ANAPC2: variants seen among roughly 807,000 people sequenced by gnomAD.
The protein encoded by ANAPC2 is anaphase-promoting complex subunit 2.
ANAPC2 carries 29 observed loss-of-function variants against 84.3 expected under a neutral mutation model. That is an observed-to-expected ratio of 0.34 (90% CI 0.26 to 0.47). ANAPC2 has a LOEUF of 0.47. Among genes scored for constraint, ANAPC2 ranks in the 20% least tolerant of loss-of-function variants. The probability of loss-of-function intolerance (pLI) is 1.00; values close to 1 mark genes in which losing one functional copy is unlikely to be tolerated. For synonymous variants in ANAPC2, 571 were observed against 479.4 expected (o/e 1.19, Z -2.50); for missense variants, 857 against 1,131.7 (o/e 0.76, Z 3.48).
chr9:137,185,801 G>A (rs529206469), intron 3 of ANAPC2, among the ~76,000 whole-genome samples: 2 of 152,306 alleles, frequency 1.3e-5, no homozygotes, highest in East Asian at 3.9e-4. Flanking sequence ...GGCCCCATGT[G>A]AGGGTGTCTC....
intron 10 of ANAPC2, 73 bp downstream of exon 10, chr9:137,180,108 C>A: frequency 6.7e-7 from 1 of 1,496,948 alleles, no homozygotes; most frequent in African/African-American, 1.4e-5. Context: ...GCCACAGGCA[C>A]CAGGCTGCTG....
chr9:137,184,641 GCACAGGGAGCCCAGACGCAGA>G (rs772591279), intron 4 of ANAPC2, among the ~76,000 whole-genome samples: 22,286 of 136,482 alleles, frequency 0.16, 2,318 homozygotes, highest in Middle Eastern at 0.26. Context: ...CACGGTGAAG[GCACAGGGAGCCCAGACGCAGA>G]CACAGGGAGC....
At position 137,187,591 on chromosome 9, in the gene ANAPC2, G is replaced by C. The variant is rs201220526; in HGVS notation, c.630C>G (p.Arg210=). ...GGCTCTGCAGGAGCCGGTAGTACCG[G>C]CGACGGGCATACCGGCTGTCCAGCT... The part of the protein sequence containing the change: ...EGELDSRYAR[R]RYYRLLQSPL... The change falls in exon 2 of 13, where the codon CGC becomes CGG. Residue 210 remains arginine (R), a synonymous_variant. Transcript: ENST00000323927. The C allele has an allele frequency of 2.8e-5, 45 of 1,614,000 alleles. No individual in the cohort carries two copies. The Admixed American group carries it at 5.8e-4, about 21-fold the overall frequency.
Position 137,175,729 on chromosome 9 carries a change from A to G in ANAPC2, c.1999T>C (p.Leu667=), listed in dbSNP as rs1312294517. ...TCACCTTGGTCCTGAAAATACAGCA[A>G]GATCACCGCCTGTACTGGGGTGACC... ...VAVTPVQAVI[L]LYFQDQASWT... is the part of the protein sequence containing the mutation. The change falls in exon 11 of 13, where the codon TTG becomes CTG. Residue 667 remains leucine (L), a synonymous_variant. Transcript: ENST00000323927. 6.2e-7 allele frequency: 1 copy of G among 1,611,522 alleles called. No individual in the cohort carries two copies. The highest frequency in any genetic ancestry group is 8.5e-7 in the Non-Finnish European group (1 of 1,179,362).
chr9:137,175,527 C>T (rs1834189594), intron 11 of ANAPC2, 55 bp from the exon 12 acceptor site: 7 of 1,499,146 alleles, frequency 4.7e-6, no homozygotes, highest in Non-Finnish European at 6.3e-6. Context: ...TGCACCTCCC[C>T]TGCCTCCCGT....
Position 137,187,933 on chromosome 9 carries a change from G to A in ANAPC2, c.288C>T (p.Ser96=). 2 of 1,613,856 alleles carry A rather than the reference G, an allele frequency of 1.2e-6. No homozygotes were observed. Among genetic ancestry groups the A allele is most frequent in the East Asian group, 2.2e-5 (1 of 44,882 alleles). The change falls in exon 2 of 13, where the codon TCC becomes TCT. Residue 96 remains serine (S), a synonymous_variant. Coordinates refer to ENST00000323927, the MANE Select transcript of ANAPC2 (RefSeq NM_013366.4). The stretch of plus-strand genomic sequence containing the variant: ...GCTCATCCGCAGAGTTCTCGCATTG[G>A]GAGATGGCATTCCAGAACTCAGGGG... The part of the protein sequence containing the change: ...NISPEFWNAI[S]QCENSADEPQ...
At chr9:137,180,111 G>T in intron 10 of ANAPC2, 70 bp downstream of exon 10, 1 of 1,512,682 alleles carries the variant, frequency 6.6e-7, no homozygotes, top group Non-Finnish European at 9.0e-7. Context: ...ACAGGCACCA[G>T]GCTGCTGGGA....
chr9:137,180,741 A>G (rs1200393626), intron 8 of ANAPC2, 47 bp downstream of exon 8: 1 of 1,594,072 alleles, frequency 6.3e-7, no homozygotes, highest in Non-Finnish European at 8.5e-7. Context: ...GAGGCTGGGC[A>G]AAGGCCCCGG....
At chr9:137,180,610 C>T in intron 8 of ANAPC2, 83 bp from the exon 9 acceptor site, 2 of 1,590,700 alleles carry the variant, frequency 1.3e-6, no homozygotes, top group Non-Finnish European at 1.7e-6. Flanking sequence ...GGGGTGCCCC[C>T]CAGGCAGAGC....
intron 4 of ANAPC2, 50 bp from the exon 5 acceptor site, chr9:137,183,841 G>A (rs371393149): frequency 1.3e-5 from 21 of 1,595,860 alleles, no homozygotes; most frequent in East Asian, 4.5e-5. Context: ...GCGTGCGCAC[G>A]TGCAGGCTGG....
chr9:137,187,202 C>T (rs1041614734), intron 2 of ANAPC2: 1 of 475,054 alleles, frequency 2.1e-6, no homozygotes, highest in African/African-American at 1.9e-5. Context: ...TCTGCAGAGT[C>T]CAGGAAGTTT....
Position 137,175,306 on chromosome 9 carries a change from G to A in ANAPC2, c.2187C>T (p.Leu729=), listed in dbSNP as rs781501202. Reference sequence around the variant, plus strand: ...AGTCGCTCTCGTCGTCACTGTCAATGAGCACCATGTTGTCCCGGTCCTGAG... The same window carrying A: ...AGTCGCTCTCGTCGTCACTGTCAATAAGCACCATGTTGTCCCGGTCCTGAG... ...ERPQDRDNMV[L]IDSDDESDSG... The change falls in exon 12 of 13, where the codon CTC becomes CTT. Residue 729 remains leucine (L), a synonymous_variant. Coordinates refer to ENST00000323927, the MANE Select transcript of ANAPC2 (RefSeq NM_013366.4). 7 of 1,612,680 alleles carry A rather than the reference G, an allele frequency of 4.3e-6. No individual in the cohort carries two copies. Among genetic ancestry groups the A allele is most frequent in the East Asian group, 2.2e-5 (1 of 44,878 alleles).
At position 137,175,690 on chromosome 9, in the gene ANAPC2, A is replaced by T. The variant is rs776984988; in HGVS notation, c.2020+18T>A. The T allele has an allele frequency of 6.2e-7, 1 of 1,604,682 alleles. No individual in the cohort carries two copies. The highest frequency in any genetic ancestry group is 8.5e-7 in the Non-Finnish European group (1 of 1,174,646). On this transcript the variant is annotated intron_variant, in intron 11 of 12. Coordinates refer to ENST00000323927, the MANE Select transcript of ANAPC2 (RefSeq NM_013366.4). ...GCCGTGTGGCCGGGGCAGGCCAGCTAGGGGCTGGTGGGCTCACCTTGGTCC... is the reference window on the plus strand; with the variant it reads ...GCCGTGTGGCCGGGGCAGGCCAGCTTGGGGCTGGTGGGCTCACCTTGGTCC...
At chr9:137,185,433 T>C (rs973449442) in intron 3 of ANAPC2, among the ~76,000 whole-genome samples, 1 of 152,178 alleles carries the variant, frequency 6.6e-6, no homozygotes, top group East Asian at 1.9e-4. Context: ...AAACACGCCC[T>C]TGAGACCAGC....
At chr9:137,176,009 A>G in intron 10 of ANAPC2, 172 bp from the exon 11 acceptor site, 1 of 754,464 alleles carries the variant, frequency 1.3e-6, no homozygotes, top group Non-Finnish European at 2.0e-6. Context: ...CCACCTGCTC[A>G]GCCACCATGG....
rs922124611 is a variant in ANAPC2, at chr9:137,175,938, C to A, written c.1891-101G>T. The A allele has an allele frequency of 2.8e-6, 4 of 1,409,254 alleles. No individual in the cohort carries two copies. The African/African-American group carries it at 5.8e-5, about 20-fold the overall frequency. 87.3% of individuals were successfully genotyped at this position (1,409,254 alleles called of 1,614,324 possible). Reference sequence around the variant, plus strand: ...AGTGAGAAAGGGGCTCCCAGAGCCACCTGCCCCACCCCACCCTGGCAGGCA... The same window carrying A: ...AGTGAGAAAGGGGCTCCCAGAGCCAACTGCCCCACCCCACCCTGGCAGGCA... On this transcript the variant is annotated intron_variant, in intron 10 of 12. Coordinates refer to ENST00000323927, the MANE Select transcript of ANAPC2 (RefSeq NM_013366.4).
chr9:137,183,055 C>T, intron 6 of ANAPC2, 70 bp downstream of exon 6: 2 of 1,339,818 alleles, frequency 1.5e-6, no homozygotes, highest in Admixed American at 3.5e-5. Context: ...CCGGCTGCCC[C>T]CCAGGACCAC....
chr9:137,187,375 G>T, intron 2 of ANAPC2, 106 bp downstream of exon 2: 1 of 1,418,476 alleles, frequency 7.0e-7, no homozygotes, highest in Non-Finnish European at 9.4e-7. Flanking sequence ...TCATGTTCCT[G>T]GTTATCAGGA....
At position 137,185,100 on chromosome 9, in the gene ANAPC2, C is replaced by G; in HGVS notation, c.874-13G>C. ...CCCGCTCGATCCACTGTCAGGAGAACGCTAGTGTGAGCTGCAGGGAGGCAT... is the reference window on the plus strand; with the variant it reads ...CCCGCTCGATCCACTGTCAGGAGAAGGCTAGTGTGAGCTGCAGGGAGGCAT... On this transcript the variant is annotated splice_polypyrimidine_tract_variant and intron_variant, in intron 3 of 12. Transcript: ENST00000323927. 1 of 1,524,502 alleles carries G rather than the reference C, an allele frequency of 6.6e-7. No homozygotes were observed. The highest frequency in any genetic ancestry group is 1.4e-5 in the African/African-American group (1 of 71,566). The allele number at this position is 1,524,502 out of a possible 1,614,324, so 94.4% of individuals were successfully genotyped here. A position where few individuals can be genotyped will look rare whatever the true frequency, so the allele number is the denominator to read the frequency against.
Sources: allele counts gnomAD v4.1 joint callset (sites outside exome capture counted in the v4.1 genomes callset), GRCh38; gene constraint gnomAD v4.1.1; transcripts MANE v1.5; gene names NCBI Gene and HGNC (gene_info 2026-07-23, HGNC 2026-07-21).